Variants in TOX3 observed in about 807,000 individuals in gnomAD.
TOX3 encodes TOX high mobility group box family member 3.
A neutral mutation model predicts 64.3 loss-of-function variants in TOX3; 22 were observed. The ratio of observed to expected loss-of-function variants is 0.34; its 90% CI spans 0.24 to 0.49. The LOEUF (loss-of-function observed/expected upper bound fraction) is 0.49. TOX3 is among the 20% of genes least tolerant of loss of function. The probability of loss-of-function intolerance (pLI) is 0.99; values close to 1 mark genes in which losing one functional copy is unlikely to be tolerated. For missense variants in TOX3, 661 were observed against 714.4 expected, an observed-to-expected ratio of 0.93 and a Z score of 0.85; for synonymous variants, 291 against 273.6, an observed-to-expected ratio of 1.06 and a Z score of -0.63.
intron 1 of TOX3, among the ~76,000 whole-genome samples, chr16:52,469,142 G>A (rs537986708): frequency 7.9e-4 from 120 of 152,258 alleles, no homozygotes; most frequent in Non-Finnish European, 1.4e-3. Flanking sequence ...ATATCCATCA[G>A]AGTTGCTGAA....
intron 1 of TOX3, among the ~76,000 whole-genome samples, chr16:52,531,600 G>A (rs1008872985): frequency 9.9e-5 from 15 of 152,238 alleles, no homozygotes; most frequent in Admixed American, 2.0e-4. Flanking sequence ...ATACAGGGTC[G>A]CCATATGCAA....
At position 52,486,762 on chromosome 16, in the gene TOX3, G is replaced by C. The variant is rs45590033; in HGVS notation, c.88-18188C>G. Among the ~76,000 whole-genome samples, 642 of 152,100 alleles carry C rather than the reference G, an allele frequency of 4.2e-3. 5 individuals are homozygous for C. The highest frequency in any genetic ancestry group is 0.031 in the Middle Eastern group (9 of 294). On this transcript the variant is annotated intron_variant, in intron 1 of 6. Transcript: ENST00000219746. ...GCCTGGGCAACATATTGAGACCCCT[G>C]TCTTTACAAAAAATGTATTTTAAAT...
intron 1 of TOX3, among the ~76,000 whole-genome samples, chr16:52,485,202 ATATG>A (rs1183709017): frequency 1.8e-3 from 253 of 137,908 alleles, no homozygotes; most frequent in African/African-American, 7.0e-3. Flanking sequence ...GTGTGTGTGT[ATATG>A]TGTGTGTGTA....
intron 1 of TOX3, among the ~76,000 whole-genome samples, chr16:52,503,807 A>G (rs1202740517): frequency 6.6e-6 from 1 of 152,204 alleles, no homozygotes; most frequent in Non-Finnish European, 1.5e-5. Context: ...TTGTAAATTA[A>G]TCAGTTTCAA....
In TOX3 at chr16:52,439,672, G is replaced by A. The variant is rs148327560; in HGVS notation, c.1284C>T (p.Pro428=). 7.0e-3 allele frequency: 11,348 copies of A among 1,613,894 alleles called. 63 individuals are homozygous for A. Among genetic ancestry groups the A allele is most frequent in the Middle Eastern group, 0.032 (195 of 6,062 alleles). The part of the protein sequence containing the change: ...SMGTTMVGSA[P]STQVSPSVQT... Reference sequence around the variant, plus strand: ...GCACCGAAGGACTCACTTGGGTGGAGGGTGCTGAGCCAACCATGGTCGTTC... The same window carrying A: ...GCACCGAAGGACTCACTTGGGTGGAAGGTGCTGAGCCAACCATGGTCGTTC... Residue 428 remains proline, a synonymous_variant, in exon 7 of 7, where the codon CCC becomes CCT. Coordinates refer to ENST00000219746, the MANE Select transcript of TOX3 (RefSeq NM_001080430.4).
At position 52,498,039 on chromosome 16, in the gene TOX3, C is replaced by T. The variant is rs570982996; in HGVS notation, c.88-29465G>A. On this transcript the variant is annotated intron_variant, in intron 1 of 6. Coordinates refer to ENST00000219746, the MANE Select transcript of TOX3 (RefSeq NM_001080430.4). Reference sequence around the variant, plus strand: ...GATTTTGGGCTAAGAATTTAATATACGGCCAAGAGACATTCACCAATTATG... The same window carrying T: ...GATTTTGGGCTAAGAATTTAATATATGGCCAAGAGACATTCACCAATTATG... Among the ~76,000 whole-genome samples the T allele has an allele frequency of 1.2e-4, 18 of 152,208 alleles. No homozygotes were observed. In the South Asian group the frequency reaches 1.5e-3, roughly 12 times the overall value.
chr16:52,450,507 G>C lies in TOX3; in HGVS notation c.448C>G (p.Pro150Ala), dbSNP rs759291632. The change falls in exon 4 of 7, where the codon CCC (proline) becomes GCC (alanine). Residue 150 changes from proline to alanine, a missense_variant. Pro to Ala is a conservative substitution (Grantham distance 27). Transcript: ENST00000219746. ...HTQVSQYRQD[P>A]SLIMRSIVHM... ...ACGATGGACCGCATGATCAGGGAGG[G>C]ATCCTGCCGGTACTGGGACACTTGT... The C allele has an allele frequency of 6.2e-7, 1 of 1,614,024 alleles. No homozygotes were observed. Among genetic ancestry groups the C allele is most frequent in the South Asian group, 1.1e-5 (1 of 91,086 alleles).
intron 4 of TOX3, among the ~76,000 whole-genome samples, chr16:52,447,967 A>G (rs967420010): frequency 1.1e-4 from 17 of 152,140 alleles, no homozygotes; most frequent in Non-Finnish European, 2.2e-4. Context: ...TTTTTTTCCA[A>G]ATAAGAGGAG....
chr16:52,448,860 G>A (rs542590565), intron 4 of TOX3, among the ~76,000 whole-genome samples: 22 of 152,122 alleles, frequency 1.4e-4, no homozygotes, highest in Non-Finnish European at 2.4e-4. Flanking sequence ...ATGTAAGCAC[G>A]TCAAATTCAA....
intron 1 of TOX3, among the ~76,000 whole-genome samples, chr16:52,473,246 C>T (rs1961101452): frequency 6.6e-6 from 1 of 151,938 alleles, no homozygotes; most frequent in Non-Finnish European, 1.5e-5. Context: ...GATGCGTCCA[C>T]ACAACATCAT....
intron 1 of TOX3, among the ~76,000 whole-genome samples, chr16:52,513,233 A>G (rs986911145): frequency 6.6e-6 from 1 of 152,264 alleles, no homozygotes; most frequent in Non-Finnish European, 1.5e-5. Context: ...TCTGAGAGCT[A>G]TCACAATTAA....
chr16:52,462,367 T>C (rs1960716873), intron 3 of TOX3, among the ~76,000 whole-genome samples: 2 of 152,112 alleles, frequency 1.3e-5, no homozygotes, highest in South Asian at 4.1e-4. Context: ...CTTTCCAATA[T>C]AGTAAATTCA....
intron 1 of TOX3, among the ~76,000 whole-genome samples, chr16:52,469,391 C>T (rs940935221): frequency 3.3e-5 from 5 of 152,122 alleles, no homozygotes; most frequent in Non-Finnish European, 5.9e-5. Context: ...TGGTCTAAAT[C>T]GGCACATTTT....
intron 1 of TOX3, among the ~76,000 whole-genome samples, chr16:52,506,159 C>G (rs919097988): frequency 6.6e-6 from 1 of 152,088 alleles, no homozygotes; most frequent in Non-Finnish European, 1.5e-5. Context: ...ATTTTGGGAG[C>G]ACTGCAATTA....
chr16:52,542,170 A>G (rs1963088907), intron 1 of TOX3, among the ~76,000 whole-genome samples: 1 of 152,178 alleles, frequency 6.6e-6, no homozygotes, highest in South Asian at 2.1e-4. Flanking sequence ...CTGGGTACCA[A>G]CCTGAAGCCA....
chr16:52,438,299 T>A lies in TOX3; in HGVS notation c.*926A>T, dbSNP rs1482441065. On this transcript the variant is annotated 3_prime_UTR_variant, in exon 7 of 7. Coordinates refer to ENST00000219746, the MANE Select transcript of TOX3 (RefSeq NM_001080430.4). ...AGCACATGATATGAAAACTTACAAC[T>A]TTGAAAGAAAATATTTACATTGATT... The A allele has an allele frequency of 6.6e-6, 1 of 152,650 alleles. No homozygotes were observed. Among genetic ancestry groups the A allele is most frequent in the Non-Finnish European group, 1.5e-5 (1 of 68,034 alleles). The allele number at this position is 152,650 out of a possible 1,614,324, so 9.5% of individuals were successfully genotyped here.
At chr16:52,510,778 A>AAAAAAAAG (rs574634087) in intron 1 of TOX3, among the ~76,000 whole-genome samples, 96 of 115,108 alleles carry the variant, frequency 8.3e-4, no homozygotes, top group East Asian at 2.0e-3. Flanking sequence ...AAAAAAAAAA[A>AAAAAAAAG]AAGAAGAAGA....
intron 1 of TOX3, among the ~76,000 whole-genome samples, chr16:52,524,193 T>C (rs1464312748): frequency 6.6e-6 from 1 of 152,170 alleles, no homozygotes; most frequent in Non-Finnish European, 1.5e-5. Context: ...CAATTCTGCA[T>C]GTAGTATTAA....
intron 4 of TOX3, among the ~76,000 whole-genome samples, chr16:52,448,563 A>AT (rs1960236123): frequency 6.6e-6 from 1 of 152,100 alleles, no homozygotes; most frequent in Non-Finnish European, 1.5e-5. Context: ...CCTGGGCCCA[A>AT]TGGGGGTGCT....
Sources: allele counts gnomAD v4.1 joint callset (sites outside exome capture counted in the v4.1 genomes callset), GRCh38; gene constraint gnomAD v4.1.1; transcripts MANE v1.5; gene names NCBI Gene and HGNC (gene_info 2026-07-23, HGNC 2026-07-21).